The following LUZP2 variants were observed in gnomAD, a reference collection of about 807,000 sequenced individuals.
LUZP2 encodes leucine zipper protein 2.
A neutral mutation model predicts 51.6 loss-of-function variants in LUZP2; 52 were observed. The observed-to-expected ratio is 1.01, with a 90% CI of 0.81 to 1.27. The LOEUF (loss-of-function observed/expected upper bound fraction) is 1.27, where lower values mean the gene tolerates loss of function less well. Among genes scored for constraint, LUZP2 ranks in the 50% most tolerant of loss-of-function variants. The pLI is 0.00. For missense variants in LUZP2, 436 were observed against 395.4 expected, an observed-to-expected ratio of 1.10 and a Z score of -0.87; for synonymous variants, 154 against 137.3, an observed-to-expected ratio of 1.12 and a Z score of -0.85.
In LUZP2 at chr11:24,624,596, C is replaced by T. The variant is rs10767222; in HGVS notation, c.63-104573C>T. Among the ~76,000 whole-genome samples the T allele has an allele frequency of 5.9e-5, 9 of 151,760 alleles. No individual in the cohort carries two copies. In the East Asian group the frequency reaches 1.7e-3, roughly 29 times the overall value. On this transcript the variant is annotated intron_variant, in intron 1 of 11. Coordinates refer to ENST00000336930, the MANE Select transcript of LUZP2 (RefSeq NM_001009909.4). The stretch of plus-strand genomic sequence containing the variant: ...GAGATAAGAAAGCTCTTGGTAATGG[C>T]GAGAGGTTATTATAGGTGTGGATTA...
intron 1 of LUZP2, among the ~76,000 whole-genome samples, chr11:24,637,196 T>A (rs909639783): frequency 5.3e-5 from 8 of 151,772 alleles, no homozygotes; most frequent in Non-Finnish European, 1.2e-4. Context: ...AACAGAGAGA[T>A]CGGCTGGAGC....
chr11:25,050,513 C>T (rs1858472250), intron 10 of LUZP2, among the ~76,000 whole-genome samples: 3 of 151,996 alleles, frequency 2.0e-5, no homozygotes, highest in Admixed American at 2.0e-4. Flanking sequence ...ACCGTGTTAA[C>T]CAGGCTGGTC....
intron 7 of LUZP2, among the ~76,000 whole-genome samples, chr11:24,956,511 C>A (rs1855216404): frequency 1.3e-5 from 2 of 152,064 alleles, no homozygotes; most frequent in African/African-American, 4.8e-5. Context: ...AGAGAAGGTC[C>A]TGACTTCAAT....
At chr11:24,909,119 G>A (rs1332677790) in intron 6 of LUZP2, among the ~76,000 whole-genome samples, 1 of 151,562 alleles carries the variant, frequency 6.6e-6, no homozygotes, top group Non-Finnish European at 1.5e-5. Context: ...ATGAGTAACT[G>A]TGAGGAAAAC....
chr11:24,835,795 GAAC>G (rs1838941356), intron 5 of LUZP2, among the ~76,000 whole-genome samples: 1 of 151,914 alleles, frequency 6.6e-6, no homozygotes, highest in Admixed American at 6.6e-5. Flanking sequence ...CCTTAATATA[GAAC>G]ATAAATTCTT....
In LUZP2 at chr11:24,824,159, T is replaced by C. The variant is rs537312179; in HGVS notation, c.396+60851T>C. 1.4e-3 allele frequency among the ~76,000 whole-genome samples: 216 copies of C among 149,882 alleles called. 5 individuals are homozygous for C. Among genetic ancestry groups the C allele is most frequent in the South Asian group, 5.1e-3 (24 of 4,742 alleles). On this transcript the variant is annotated intron_variant, in intron 5 of 11. Coordinates refer to ENST00000336930, the MANE Select transcript of LUZP2 (RefSeq NM_001009909.4). ...CAGGCGGATCACCTGAGGTCGGGAGTTCGAGACCAGCCTGACCAACATGGA... is the reference window on the plus strand; with the variant it reads ...CAGGCGGATCACCTGAGGTCGGGAGCTCGAGACCAGCCTGACCAACATGGA...
chr11:25,028,436 A>G (rs12283377), intron 9 of LUZP2, among the ~76,000 whole-genome samples: 1 of 152,166 alleles, frequency 6.6e-6, no homozygotes, highest in Non-Finnish European at 1.5e-5. Context: ...AATGTGGTGT[A>G]TATAATAATG....
At chr11:24,777,923 C>CTT (rs34570275) in intron 5 of LUZP2, among the ~76,000 whole-genome samples, 2 of 151,646 alleles carry the variant, frequency 1.3e-5, no homozygotes, top group Middle Eastern at 3.2e-3. Context: ...AGAAAAAAGT[C>CTT]TTTTTTTAAT....
intron 9 of LUZP2, among the ~76,000 whole-genome samples, chr11:25,046,706 T>C (rs536116096): frequency 1.3e-3 from 198 of 152,268 alleles, no homozygotes; most frequent in African/African-American, 4.6e-3. Flanking sequence ...AGAAGGTTAA[T>C]GTTCACCAAA....
Position 24,983,114 on chromosome 11 carries a change from CT to C in LUZP2, c.598-5del, listed in dbSNP as rs747238919. ...GCTAAATGTAAATATGTTAATGCCTCTTTTTTTGTAGGAGTCACAGATGAAA... is the reference window on the plus strand; with the variant it reads ...GCTAAATGTAAATATGTTAATGCCTCTTTTTTGTAGGAGTCACAGATGAAA... On this transcript the variant is annotated splice_polypyrimidine_tract_variant and intron_variant, in intron 8 of 11. Coordinates refer to ENST00000336930, the MANE Select transcript of LUZP2 (RefSeq NM_001009909.4). 8 of 1,609,704 alleles carry C rather than the reference CT, an allele frequency of 5.0e-6. No individual in the cohort carries two copies. The highest frequency in any genetic ancestry group is 2.2e-5 in the East Asian group (1 of 44,774).
At chr11:24,546,407 T>C (rs1016136273) in intron 1 of LUZP2, among the ~76,000 whole-genome samples, 2 of 152,090 alleles carry the variant, frequency 1.3e-5, no homozygotes, top group African/African-American at 4.8e-5. Context: ...AGTATGAGGA[T>C]GACTGTGGGT....
At chr11:24,850,183 C>T (rs1851344893) in intron 5 of LUZP2, among the ~76,000 whole-genome samples, 1 of 152,134 alleles carries the variant, frequency 6.6e-6, no homozygotes, top group Admixed American at 6.6e-5. Flanking sequence ...GTGTTTAATT[C>T]ATGAAGTCAT....
At chr11:24,621,450 G>T (rs942199471) in intron 1 of LUZP2, among the ~76,000 whole-genome samples, 2 of 152,082 alleles carry the variant, frequency 1.3e-5, no homozygotes, top group African/African-American at 4.8e-5. Context: ...CACTGAGCAG[G>T]TCCTATTAAT....
intron 1 of LUZP2, among the ~76,000 whole-genome samples, chr11:24,566,935 A>ACAT: frequency 4.5e-4 from 1 of 2,234 alleles, no homozygotes; most frequent in South Asian, 0.019. Context: ...ATGTATATAT[A>ACAT]TATACATAAA....
At chr11:24,723,474 A>G (rs943640126) in intron 1 of LUZP2, among the ~76,000 whole-genome samples, 2 of 152,228 alleles carry the variant, frequency 1.3e-5, no homozygotes, top group Non-Finnish European at 2.9e-5. Flanking sequence ...ACAAGTGTCT[A>G]TCAACACTAG....
At chr11:25,020,285 T>C (rs1857294724) in intron 9 of LUZP2, among the ~76,000 whole-genome samples, 1 of 152,052 alleles carries the variant, frequency 6.6e-6, no homozygotes, top group South Asian at 2.1e-4. Context: ...GCTAGACCTC[T>C]TTTTTTAATA....
chr11:24,803,624 A>G (rs1304870772), intron 5 of LUZP2, among the ~76,000 whole-genome samples: 3 of 152,114 alleles, frequency 2.0e-5, no homozygotes, highest in Admixed American at 2.0e-4. Flanking sequence ...GTGGTGTATC[A>G]TACAATGGAA....
intron 9 of LUZP2, among the ~76,000 whole-genome samples, chr11:25,003,887 A>G (rs1856762451): frequency 6.6e-6 from 1 of 152,166 alleles, no homozygotes; most frequent in African/African-American, 2.4e-5. Context: ...CAGGCATAAC[A>G]AGAAAGGCAT....
rs145349030 is a variant in LUZP2, at chr11:25,024,318, A to C, written c.766-25720A>C. ...CCAGGGCAATCAGGCAAGAGAAAGC[A>C]ATAAAGTGTATTCAATTAGGAAATG... is the stretch of plus-strand genomic sequence containing the variant. On this transcript the variant is annotated intron_variant, in intron 9 of 11. Transcript: ENST00000336930. Among the ~76,000 whole-genome samples the C allele has an allele frequency of 2.9e-3, 444 of 152,054 alleles. 3 individuals are homozygous for C. Among genetic ancestry groups the C allele is most frequent in the African/African-American group, 0.01 (419 of 41,338 alleles).
Sources: allele counts gnomAD v4.1 joint callset (sites outside exome capture counted in the v4.1 genomes callset), GRCh38; gene constraint gnomAD v4.1.1; transcripts MANE v1.5; gene names NCBI Gene and HGNC (gene_info 2026-07-23, HGNC 2026-07-21).